The following RAPGEF2 variants were observed in gnomAD, a reference collection of about 807,000 sequenced individuals.
The protein encoded by RAPGEF2 is Rap guanine nucleotide exchange factor 2, also known as PDZ domain containing guanine nucleotide exchange factor (GEF) 1.
Under a neutral mutation model 186.7 loss-of-function variants are expected in RAPGEF2, and 54 were observed. The observed-to-expected ratio is 0.29, with a 90% CI of 0.23 to 0.36. The LOEUF is 0.36. Among genes scored for constraint, RAPGEF2 ranks in the 10% least tolerant of loss-of-function variants. The pLI is 1.00. For missense variants in RAPGEF2, 1,532 were observed against 2,045.0 expected, an observed-to-expected ratio of 0.75 and a Z score of 4.84; for synonymous variants, 712 against 705.9, an observed-to-expected ratio of 1.01 and a Z score of -0.14.
intron 4 of RAPGEF2, among the ~76,000 whole-genome samples, chr4:159,231,488 T>A (rs1752642488): frequency 2.0e-5 from 3 of 152,048 alleles, no homozygotes; most frequent in Non-Finnish European, 2.9e-5. Context: ...TGAGAAATAA[T>A]ATATGTTTTG....
intron 7 of RAPGEF2, among the ~76,000 whole-genome samples, chr4:159,276,647 A>G (rs1425958179): frequency 6.6e-6 from 1 of 152,138 alleles, no homozygotes; most frequent in Non-Finnish European, 1.5e-5. Context: ...CTCCCTTTGC[A>G]CTGTATATAG....
At chr4:159,323,394 A>G in intron 10 of RAPGEF2, 65 bp from the exon 11 acceptor site, 2 of 1,337,462 alleles carry the variant, frequency 1.5e-6, no homozygotes, top group Non-Finnish European at 2.0e-6. Context: ...TAGGGACCAT[A>G]CTGGCACTTA....
intron 26 of RAPGEF2, among the ~76,000 whole-genome samples, chr4:159,351,375 T>C (rs973109730): frequency 6.6e-6 from 1 of 152,118 alleles, no homozygotes; most frequent in Non-Finnish European, 1.5e-5. Context: ...TGTGGTTTTA[T>C]AAAAAGACAT....
chr4:159,116,128 A>C (rs1387686665), intron 1 of RAPGEF2, among the ~76,000 whole-genome samples: 1 of 152,224 alleles, frequency 6.6e-6, no homozygotes, highest in East Asian at 1.9e-4. Flanking sequence ...AGCAAAAAAA[A>C]CTATCATCAG....
chr4:159,132,146 C>T (rs1465558688), intron 1 of RAPGEF2, among the ~76,000 whole-genome samples: 1 of 152,186 alleles, frequency 6.6e-6, no homozygotes, highest in Non-Finnish European at 1.5e-5. Flanking sequence ...TAGAATTTAT[C>T]AAGAATTGAG....
intron 3 of RAPGEF2, among the ~76,000 whole-genome samples, chr4:159,196,527 A>G (rs1434004324): frequency 1.4e-5 from 2 of 146,392 alleles, no homozygotes; most frequent in East Asian, 1.9e-4. Flanking sequence ...CCAGGTAAAT[A>G]TAATACTCTT....
At chr4:159,132,286 T>C (rs1741198424) in intron 1 of RAPGEF2, among the ~76,000 whole-genome samples, 10 of 152,254 alleles carry the variant, frequency 6.6e-5, no homozygotes, top group Admixed American at 5.9e-4. Flanking sequence ...AGAGTTACTT[T>C]GCTAGATTTT....
At chr4:159,330,652 AAG>A in intron 13 of RAPGEF2, 154 bp downstream of exon 13, 1 of 576,718 alleles carries the variant, frequency 1.7e-6, no homozygotes, top group Non-Finnish European at 2.9e-6. Context: ...AACAAAAAAA[AAG>A]GTGATACAAA....
chr4:159,275,487 A>G (rs528432543), intron 7 of RAPGEF2, among the ~76,000 whole-genome samples: 48 of 152,256 alleles, frequency 3.2e-4, no homozygotes, highest in African/African-American at 1.0e-3. Context: ...TTATCGATAC[A>G]TCTGTATACA....
intron 1 of RAPGEF2, among the ~76,000 whole-genome samples, chr4:159,127,423 C>G (rs1740470922): frequency 6.6e-6 from 1 of 152,182 alleles, no homozygotes; most frequent in African/African-American, 2.4e-5. Context: ...TTGATTTCCT[C>G]CCTTTTTACC....
At chr4:159,121,482 T>C (rs1268814203) in intron 1 of RAPGEF2, among the ~76,000 whole-genome samples, 1 of 152,038 alleles carries the variant, frequency 6.6e-6, no homozygotes, top group Non-Finnish European at 1.5e-5. Flanking sequence ...TCCTCCCACC[T>C]CAGCCTCTGA....
chr4:159,256,907 AT>A (rs553174378), intron 7 of RAPGEF2, among the ~76,000 whole-genome samples: 2 of 151,394 alleles, frequency 1.3e-5, no homozygotes, highest in South Asian at 4.2e-4. Flanking sequence ...TTTCTTGTAA[AT>A]TTTTTTTGTT....
At chr4:159,172,028 TA>T (rs539691208) in intron 1 of RAPGEF2, among the ~76,000 whole-genome samples, 1 of 151,444 alleles carries the variant, frequency 6.6e-6, no homozygotes, top group Non-Finnish European at 1.5e-5. Flanking sequence ...AATGACATTA[TA>T]AAAAAAAGGG....
chr4:159,205,506 T>A (rs1485216786), intron 3 of RAPGEF2, among the ~76,000 whole-genome samples: 1 of 152,196 alleles, frequency 6.6e-6, no homozygotes, highest in African/African-American at 2.4e-5. Context: ...AGCCTAATGA[T>A]ATGGTTAGGC....
intron 1 of RAPGEF2, among the ~76,000 whole-genome samples, chr4:159,132,913 A>G (rs1741269697): frequency 6.6e-6 from 1 of 151,496 alleles, no homozygotes; most frequent in African/African-American, 2.4e-5. Flanking sequence ...TCACATGTCA[A>G]AAAGTATAAA....
intron 4 of RAPGEF2, among the ~76,000 whole-genome samples, chr4:159,237,619 A>G (rs958178182): frequency 6.6e-6 from 1 of 152,046 alleles, no homozygotes; most frequent in Non-Finnish European, 1.5e-5. Context: ...CACAGTGCCT[A>G]ATTAACTTGG....
At chr4:159,345,460 T>C in intron 24 of RAPGEF2, 131 bp downstream of exon 24, 1 of 758,286 alleles carries the variant, frequency 1.3e-6, no homozygotes, top group Non-Finnish European at 2.1e-6. Context: ...TATACTAGTC[T>C]TTTCCTTGAA....
chr4:159,216,808 A>G (rs895723580), intron 4 of RAPGEF2, among the ~76,000 whole-genome samples: 1 of 152,178 alleles, frequency 6.6e-6, no homozygotes, highest in Non-Finnish European at 1.5e-5. Flanking sequence ...ATTGATACCA[A>G]CTGTATCCAT....
chr4:159,236,931 G>A (rs1350114822), intron 4 of RAPGEF2, among the ~76,000 whole-genome samples: 1 of 152,192 alleles, frequency 6.6e-6, no homozygotes, highest in East Asian at 1.9e-4. Context: ...GTGTATGTTT[G>A]TGTGGGCATA....
Sources: allele counts gnomAD v4.1 joint callset (sites outside exome capture counted in the v4.1 genomes callset), GRCh38; gene constraint gnomAD v4.1.1; transcripts MANE v1.5; gene names NCBI Gene and HGNC (gene_info 2026-07-23, HGNC 2026-07-21).